KCNH5: variants seen among roughly 807,000 people sequenced by gnomAD.
KCNH5 encodes the protein potassium voltage-gated channel subfamily H member 5, also known as voltage-gated delayed rectifier potassium channel KCNH5.
In KCNH5, 46 loss-of-function variants were observed where a neutral mutation model predicts 96.1. The ratio of observed to expected loss-of-function variants is 0.48; its 90% CI spans 0.38 to 0.61. KCNH5 has a LOEUF of 0.61. Among genes scored for constraint, KCNH5 ranks in the 20% least tolerant of loss-of-function variants. KCNH5 has a pLI of 0.00. For missense variants in KCNH5, 907 were observed against 1,225.8 expected (o/e 0.74, Z 3.88); for synonymous variants, 439 against 449.8 (o/e 0.98, Z 0.30).
intron 1 of KCNH5, among the ~76,000 whole-genome samples, chr14:63,033,733 A>G (rs972399838): frequency 6.6e-6 from 1 of 152,080 alleles, no homozygotes; most frequent in African/African-American, 2.4e-5. Flanking sequence ...AAATAGTTAT[A>G]AAGCAATTCT....
intron 7 of KCNH5, among the ~76,000 whole-genome samples, chr14:62,855,976 A>G (rs985985910): frequency 2.0e-5 from 3 of 152,208 alleles, no homozygotes; most frequent in East Asian, 3.8e-4. Flanking sequence ...ACTCCTCCCT[A>G]TAGAAAACTA....
intron 7 of KCNH5, among the ~76,000 whole-genome samples, chr14:62,883,453 C>T (rs78243430): frequency 1.3e-5 from 2 of 152,094 alleles, no homozygotes. Flanking sequence ...TCTGCTGCTG[C>T]TCATGGAATT....
At chr14:63,009,750 G>A (rs377162837) in intron 2 of KCNH5, among the ~76,000 whole-genome samples, 179 of 152,156 alleles carry the variant, frequency 1.2e-3, no homozygotes, top group African/African-American at 4.1e-3. Context: ...ATTCTCTGTG[G>A]GTATGGCACA....
intron 5 of KCNH5, among the ~76,000 whole-genome samples, chr14:62,982,080 G>A (rs1005761545): frequency 2.1e-4 from 32 of 152,084 alleles, no homozygotes; most frequent in Admixed American, 2.1e-3. Flanking sequence ...CCTGGAACCT[G>A]GGAATTATAA....
intron 7 of KCNH5, among the ~76,000 whole-genome samples, chr14:62,917,229 A>G (rs1889292397): frequency 6.6e-6 from 1 of 152,062 alleles, no homozygotes; most frequent in Admixed American, 6.6e-5. Flanking sequence ...GTGTTGAATT[A>G]CCTAATTTAT....
chr14:63,026,227 A>C (rs1477265366), intron 1 of KCNH5, among the ~76,000 whole-genome samples: 3 of 152,128 alleles, frequency 2.0e-5, no homozygotes, highest in Admixed American at 2.0e-4. Context: ...AATGGATTGA[A>C]GACTTCAACA....
At chr14:62,733,632 C>T (rs1271911034) in intron 10 of KCNH5, among the ~76,000 whole-genome samples, 1 of 152,186 alleles carries the variant, frequency 6.6e-6, no homozygotes, top group Non-Finnish European at 1.5e-5. Flanking sequence ...CCACATATAA[C>T]TGTTTTCTTT....
chr14:62,839,525 A>C (rs1487065391), intron 8 of KCNH5, among the ~76,000 whole-genome samples: 8 of 152,128 alleles, frequency 5.3e-5, no homozygotes. Flanking sequence ...CCACATATTT[A>C]TTTAGCATTA....
chr14:62,816,011 A>G (rs11848904), intron 8 of KCNH5, among the ~76,000 whole-genome samples: 56,978 of 151,598 alleles, frequency 0.38, 11,007 homozygotes, highest in South Asian at 0.58. Context: ...AGAGTTGATG[A>G]TATAAAAGAA....
intron 7 of KCNH5, among the ~76,000 whole-genome samples, chr14:62,936,721 T>G (rs1339722888): frequency 6.7e-6 from 1 of 149,644 alleles, no homozygotes; most frequent in Non-Finnish European, 1.5e-5. Flanking sequence ...CTCACACCTG[T>G]AATCCTAGCA....
chr14:63,002,480 C>T (rs1891028986), intron 3 of KCNH5, among the ~76,000 whole-genome samples: 1 of 152,104 alleles, frequency 6.6e-6, no homozygotes, highest in South Asian at 2.1e-4. Context: ...AGTAAAGCCC[C>T]TCCAAATATT....
At chr14:62,942,630 TCC>T (rs1889810111) in intron 7 of KCNH5, among the ~76,000 whole-genome samples, 2 of 152,154 alleles carry the variant, frequency 1.3e-5, no homozygotes, top group African/African-American at 4.8e-5. Context: ...GTCATACACA[TCC>T]CACTGGCAGA....
At chr14:62,756,689 T>C (rs1168806959) in intron 10 of KCNH5, among the ~76,000 whole-genome samples, 4 of 152,040 alleles carry the variant, frequency 2.6e-5, no homozygotes, top group Non-Finnish European at 5.9e-5. Flanking sequence ...GCCAAGAACA[T>C]ACAATGAGGA....
intron 3 of KCNH5, among the ~76,000 whole-genome samples, chr14:63,003,472 T>TTATATATATTTTATATATATTA (rs1423660726): frequency 3.8e-5 from 5 of 132,092 alleles, no homozygotes; most frequent in Non-Finnish European, 7.7e-5. Context: ...TTTATATATA[T>TTATATATATTTTATATATATTA]TATATATATT....
At chr14:62,891,795 T>C (rs950031955) in intron 7 of KCNH5, among the ~76,000 whole-genome samples, 4 of 152,228 alleles carry the variant, frequency 2.6e-5, no homozygotes, top group African/African-American at 9.6e-5. Flanking sequence ...ATTATCATAT[T>C]TTTATGGTGA....
chr14:63,033,289 T>C (rs1891663190), intron 1 of KCNH5, among the ~76,000 whole-genome samples: 1 of 152,250 alleles, frequency 6.6e-6, no homozygotes, highest in Non-Finnish European at 1.5e-5. Context: ...GTCTTTCTTC[T>C]GGTTTCACCC....
intron 8 of KCNH5, among the ~76,000 whole-genome samples, chr14:62,809,970 C>A (rs72625629): frequency 0.077 from 11,736 of 151,980 alleles, 677 homozygotes; most frequent in East Asian, 0.26. Context: ...ATATTACAAT[C>A]AGCTAACAAG....
chr14:63,027,066 G>T (rs1891536822), intron 1 of KCNH5, among the ~76,000 whole-genome samples: 1 of 152,022 alleles, frequency 6.6e-6, no homozygotes, highest in Non-Finnish European at 1.5e-5. Context: ...GATGAACCTG[G>T]AGGACATTAT....
Position 62,950,533 on chromosome 14 carries a change from T to C in KCNH5, c.969A>G (p.Leu323=). 6.3e-7 allele frequency: 1 copy of C among 1,597,516 alleles called. No individual in the cohort carries two copies. The highest frequency in any genetic ancestry group is 8.5e-7 in the Non-Finnish European group (1 of 1,176,946). ...DEGISSLFSS[L]KVVRLLRLGR... Reference sequence around the variant, plus strand: ...CCAGTCGTAAGAGACGCACCACTTTTAAAGAACTGAAGAGACTGCTGATTC... The same window carrying C: ...CCAGTCGTAAGAGACGCACCACTTTCAAAGAACTGAAGAGACTGCTGATTC... Residue 323 remains leucine, a synonymous_variant, in exon 7 of 11, where the codon TTA becomes TTG. Transcript: ENST00000322893.
Sources: allele counts gnomAD v4.1 joint callset (sites outside exome capture counted in the v4.1 genomes callset), GRCh38; gene constraint gnomAD v4.1.1; transcripts MANE v1.5; gene names NCBI Gene and HGNC (gene_info 2026-07-23, HGNC 2026-07-21).